HERC3: variants seen among roughly 807,000 people sequenced by gnomAD.
HERC3 encodes the protein HECT and RLD domain containing E3 ubiquitin protein ligase 3, also known as probable E3 ubiquitin-protein ligase HERC3.
Under a neutral mutation model 129.9 loss-of-function variants are expected in HERC3, and 58 were observed. The observed-to-expected ratio is 0.45, with a 90% CI of 0.36 to 0.56. The LOEUF (loss-of-function observed/expected upper bound fraction) is 0.56. HERC3 is among the 20% of genes least tolerant of loss of function. The pLI, the probability that HERC3 is intolerant of heterozygous loss-of-function variation, is 0.00. For missense variants in HERC3, 835 were observed against 1,244.2 expected (o/e 0.67, Z 4.95); for synonymous variants, 430 against 451.0 (o/e 0.95, Z 0.59).
chr4:88,531,830 T>G, the HERC3 span, among the ~76,000 whole-genome samples: 1 of 152,126 alleles, frequency 6.6e-6, no homozygotes, highest in Non-Finnish European at 1.5e-5. Context: ...TGCTGCACTC[T>G]CTAGATGCAA....
chr4:88,609,264 C>G (rs750366059), intron 3 of HERC3, among the ~76,000 whole-genome samples: 45 of 152,116 alleles, frequency 3.0e-4, no homozygotes, highest in Non-Finnish European at 4.9e-4. Flanking sequence ...GCCTGGGCAA[C>G]AGAGCAAGAC....
intron 23 of HERC3, chr4:88,697,487 G>A (rs749014233): frequency 6.2e-7 from 1 of 1,614,052 alleles, no homozygotes; most frequent in Non-Finnish European, 8.5e-7. Flanking sequence ...TTATCGCATC[G>A]CTTCTGCAGC....
chr4:88,562,062 A>C, the HERC3 span, among the ~76,000 whole-genome samples: 6 of 152,116 alleles, frequency 3.9e-5, no homozygotes, highest in Admixed American at 2.0e-4. Context: ...TTTTTTGAGG[A>C]ACCTCCATAC....
chr4:88,560,721 C>G, the HERC3 span, among the ~76,000 whole-genome samples: 1 of 151,966 alleles, frequency 6.6e-6, no homozygotes, highest in South Asian at 2.1e-4. Context: ...AGTTTCTAGT[C>G]TTTTATTTAG....
chr4:88,656,238 C>T (rs1729884943), intron 9 of HERC3: 2 of 586,596 alleles, frequency 3.4e-6, no homozygotes, highest in Non-Finnish European at 6.0e-6. Context: ...GCAGGAAATA[C>T]TGTTGTGTTA....
chr4:88,610,572 G>A (rs1724200254), intron 3 of HERC3, among the ~76,000 whole-genome samples: 2 of 151,844 alleles, frequency 1.3e-5, no homozygotes, highest in Admixed American at 6.6e-5. Flanking sequence ...CGCCTCTGAC[G>A]GTAGCCAGTG....
At chr4:88,624,217 C>T (rs1725847385) in intron 3 of HERC3, among the ~76,000 whole-genome samples, 1 of 152,186 alleles carries the variant, frequency 6.6e-6, no homozygotes, top group African/African-American at 2.4e-5. Flanking sequence ...TCGAATAAAA[C>T]TGTTATGAAC....
chr4:88,628,421 T>G (rs1726368591), intron 3 of HERC3, among the ~76,000 whole-genome samples: 1 of 152,154 alleles, frequency 6.6e-6, no homozygotes, highest in Non-Finnish European at 1.5e-5. Context: ...TTTCTACCTT[T>G]TATTTACAGT....
chr4:88,564,166 TA>T, the HERC3 span, among the ~76,000 whole-genome samples: 2 of 152,244 alleles, frequency 1.3e-5, no homozygotes, highest in Non-Finnish European at 2.9e-5. Context: ...ATTATCTTTT[TA>T]ATGTTTTGTT....
intron 7 of HERC3, 31 bp from the exon 8 acceptor site, chr4:88,655,143 G>C (rs2282594): frequency 1.2e-6 from 2 of 1,612,516 alleles, no homozygotes; most frequent in Admixed American, 3.3e-5. Flanking sequence ...TAAAGATACA[G>C]TGAAGTCCTA....
chr4:88,535,650 G>C, the HERC3 span, among the ~76,000 whole-genome samples: 1 of 152,088 alleles, frequency 6.6e-6, no homozygotes, highest in African/African-American at 2.4e-5. Context: ...GGCATCCCAA[G>C]GCAGGAGGAC....
At chr4:88,694,522 C>T (rs571850263) in intron 23 of HERC3, among the ~76,000 whole-genome samples, 1 of 152,208 alleles carries the variant, frequency 6.6e-6, no homozygotes, top group Admixed American at 6.5e-5. Flanking sequence ...ATTCCCTGTC[C>T]AGTAATTGAT....
At chr4:88,590,635 C>G (rs376504195), upstream of HERC3, among the ~76,000 whole-genome samples, 19 of 152,330 alleles carry the variant, frequency 1.2e-4, no homozygotes, top group African/African-American at 4.6e-4. Context: ...AACCCAAACA[C>G]TGATTGATTA....
At chr4:88,683,854 G>A (rs1733088798) in intron 21 of HERC3, among the ~76,000 whole-genome samples, 1 of 152,154 alleles carries the variant, frequency 6.6e-6, no homozygotes, top group Non-Finnish European at 1.5e-5. Context: ...TTTGAATGCA[G>A]CCCAGCACAA....
Position 88,669,849 on chromosome 4 carries a change from T to A in HERC3, c.1634-11T>A. 1 of 1,606,772 alleles carries A rather than the reference T, an allele frequency of 6.2e-7. No homozygotes were observed. Among genetic ancestry groups the A allele is most frequent in the Non-Finnish European group, 8.5e-7 (1 of 1,175,146 alleles). Reference sequence around the variant, plus strand: ...TACATGTTGAAATATGTCTTTTCTTTCTTTCTAAAGATAACTGGTGGTCTC... The same window carrying A: ...TACATGTTGAAATATGTCTTTTCTTACTTTCTAAAGATAACTGGTGGTCTC... On this transcript the variant is annotated splice_polypyrimidine_tract_variant and intron_variant, in intron 14 of 25. Coordinates refer to ENST00000402738, the MANE Select transcript of HERC3 (RefSeq NM_014606.3).
intron 3 of HERC3, among the ~76,000 whole-genome samples, chr4:88,635,865 A>G (rs1727327344): frequency 6.6e-6 from 1 of 152,146 alleles, no homozygotes; most frequent in Admixed American, 6.5e-5. Context: ...AAAGAAAACA[A>G]TTTTCAACCC....
intron 23 of HERC3, chr4:88,697,302 C>A (rs1304500836): frequency 1.2e-6 from 2 of 1,609,026 alleles, no homozygotes; most frequent in South Asian, 2.2e-5. Context: ...CCTCGTCTTC[C>A]CCCTCCTCCT....
intron 23 of HERC3, chr4:88,690,470 A>G: frequency 1.0e-6 from 1 of 985,442 alleles, no homozygotes; most frequent in African/African-American, 1.7e-5. Context: ...AGTTTCAGAC[A>G]AGATAATGTG....
chr4:88,551,707 C>A, the HERC3 span, among the ~76,000 whole-genome samples: 2 of 152,112 alleles, frequency 1.3e-5, no homozygotes, highest in African/African-American at 2.4e-5. Context: ...TAGTTCAACC[C>A]TTGTGGAAGT....
Sources: allele counts gnomAD v4.1 joint callset (sites outside exome capture counted in the v4.1 genomes callset), GRCh38; gene constraint gnomAD v4.1.1; transcripts MANE v1.5; gene names NCBI Gene and HGNC (gene_info 2026-07-23, HGNC 2026-07-21).